TMTC3: variants seen among roughly 807,000 people sequenced by gnomAD.
TMTC3 encodes the protein transmembrane O-mannosyltransferase targeting cadherins 3, also known as protein O-mannosyl-transferase TMTC3.
A neutral mutation model predicts 92.2 loss-of-function variants in TMTC3; 52 were observed. The ratio of observed to expected loss-of-function variants is 0.56; its 90% confidence interval spans 0.45 to 0.71. TMTC3 has a LOEUF of 0.71. Among genes scored for constraint, TMTC3 ranks in the 30% least tolerant of loss-of-function variants. The pLI is 0.00. For synonymous variants in TMTC3, 339 were observed against 363.3 expected (o/e 0.93, Z 0.76); for missense variants, 896 against 1,057.1 (o/e 0.85, Z 2.11).
At chr12:88,166,269 T>C in intron 6 of TMTC3, 61 bp from the exon 7 acceptor site, 1 of 1,465,792 alleles carries the variant, frequency 6.8e-7, no homozygotes, top group Non-Finnish European at 9.2e-7. Context: ...GTTTTACTTA[T>C]GTAAATAATT....
In TMTC3 at chr12:88,195,217, G is replaced by T. The variant is rs751635152; in HGVS notation, c.2313G>T (p.Val771=). The T allele has an allele frequency of 6.2e-7, 1 of 1,613,822 alleles. No homozygotes were observed. The highest frequency in any genetic ancestry group is 1.1e-5 in the South Asian group (1 of 91,078). Residue 771 remains valine (V), a synonymous_variant, in exon 14 of 14, where the codon GTG becomes GTT. Transcript: ENST00000266712. ...ERILEMDPSN[V]QGKHNLCVVY... is the part of the protein sequence containing the mutation. ...TTTTGGAGATGGATCCAAGCAATGTGCAAGGAAAACACAATCTTTGTGTTG... is the reference window on the plus strand; with the variant it reads ...TTTTGGAGATGGATCCAAGCAATGTTCAAGGAAAACACAATCTTTGTGTTG...
chr12:88,161,666 T>C (rs2041081247), intron 6 of TMTC3, among the ~76,000 whole-genome samples: 1 of 151,986 alleles, frequency 6.6e-6, no homozygotes, highest in East Asian at 1.9e-4. Flanking sequence ...GGATTCTTTT[T>C]TTAATATTTC....
At position 88,198,386 on chromosome 12, in the gene TMTC3, C is replaced by G. The variant is rs182780400; in HGVS notation, c.*2737C>G. 1.2e-4 allele frequency: 49 copies of G among 398,110 alleles called. No individual in the cohort carries two copies. The East Asian group carries it at 1.4e-3, about 11-fold the overall frequency. The allele number at this position is 398,110 out of a possible 1,614,324, so 24.7% of individuals were successfully genotyped here. ...AATTCTCACTGTCTCAAAAGAGAATCAGCTCTCCAGCAGTTCTAGAAAAGC... is the reference window on the plus strand; with the variant it reads ...AATTCTCACTGTCTCAAAAGAGAATGAGCTCTCCAGCAGTTCTAGAAAAGC... On this transcript the variant is annotated 3_prime_UTR_variant, in exon 14 of 14. Transcript: ENST00000266712.
At chr12:88,154,164 G>A in intron 3 of TMTC3, 124 bp from the exon 4 acceptor site, 1 of 665,752 alleles carries the variant, frequency 1.5e-6, no homozygotes, top group Non-Finnish European at 2.5e-6. Context: ...GGCACCCAAA[G>A]AATGTTTAAG....
rs1446103432 is a variant in TMTC3, at chr12:88,160,805, G to T, written c.751G>T (p.Val251Leu). 2 of 1,613,080 alleles carry T rather than the reference G, an allele frequency of 1.2e-6. No individual in the cohort carries two copies. The highest frequency in any genetic ancestry group is 1.7e-6 in the Non-Finnish European group (2 of 1,179,554). Reference protein sequence around the residue: ...VLMFSTLLLVVIRVQVIQSQL... With the variant: ...VLMFSTLLLVLIRVQVIQSQL... ...GATGTTCAGTACATTATTACTTGTT[G>T]TGATTAGAGTCCAGGTTATTCAATC... is the stretch of plus-strand genomic sequence containing the variant. The change falls in exon 6 of 14, where the codon GTG becomes TTG. Residue 251 changes from valine to leucine, a missense_variant. By Grantham distance (32) the Val-to-Leu change is conservative. Coordinates refer to ENST00000266712, the MANE Select transcript of TMTC3 (RefSeq NM_181783.4).
chr12:88,165,020 T>G (rs773594053), intron 6 of TMTC3, among the ~76,000 whole-genome samples: 8 of 152,162 alleles, frequency 5.3e-5, no homozygotes, highest in Non-Finnish European at 1.0e-4. Flanking sequence ...TCATTGGTTT[T>G]CTGTTATTCC....
chr12:88,194,073 T>A (rs1168345577), intron 13 of TMTC3, among the ~76,000 whole-genome samples: 1 of 151,976 alleles, frequency 6.6e-6, no homozygotes, highest in Non-Finnish European at 1.5e-5. Flanking sequence ...AATTTTAAAA[T>A]CAGCAAGAAA....
At chr12:88,186,560 T>C (rs2041380037) in intron 10 of TMTC3, among the ~76,000 whole-genome samples, 1 of 152,212 alleles carries the variant, frequency 6.6e-6, no homozygotes, top group Non-Finnish European at 1.5e-5. Flanking sequence ...TAACTCATGC[T>C]GCTGTTGTTT....
At chr12:88,192,014 CTTTTTTTTTTTTTCT>C (rs2138442899) in intron 12 of TMTC3, among the ~76,000 whole-genome samples, 2 of 112,252 alleles carry the variant, frequency 1.8e-5, no homozygotes, top group South Asian at 5.4e-4. Context: ...CAGCATTTTT[CTTTTTTTTTTTTTCT>C]TTTTTTTTTT....
intron 10 of TMTC3, among the ~76,000 whole-genome samples, chr12:88,182,768 A>G (rs1488518746): frequency 6.6e-6 from 1 of 152,196 alleles, no homozygotes; most frequent in South Asian, 2.1e-4. Context: ...TGATACTGAC[A>G]CATGGTAGGA....
chr12:88,174,822 T>A, intron 9 of TMTC3, 95 bp downstream of exon 9: 4 of 1,431,100 alleles, frequency 2.8e-6, no homozygotes, highest in African/African-American at 1.4e-5. Flanking sequence ...ATTAGACATT[T>A]AACAGTCAAT....
At chr12:88,153,619 A>C (rs2040971084) in intron 3 of TMTC3, 110 bp downstream of exon 3, 1 of 573,630 alleles carries the variant, frequency 1.7e-6, no homozygotes, top group African/African-American at 1.9e-5. Flanking sequence ...CCCTGACTTT[A>C]ATCCAAATAT....
chr12:88,173,620 G>T (rs969504216), intron 8 of TMTC3, among the ~76,000 whole-genome samples: 1 of 151,898 alleles, frequency 6.6e-6, no homozygotes. Context: ...TTTTCACACC[G>T]CATGTGTTCC....
At chr12:88,189,094 ATT>A (rs201059192) in intron 11 of TMTC3, 148 bp downstream of exon 11, 9,390 of 415,304 alleles carry the variant, frequency 0.023, no homozygotes, top group South Asian at 0.035. Flanking sequence ...AGCTTACTTA[ATT>A]TTTTTTTTTT....
chr12:88,182,452 C>T (rs1181943508), intron 10 of TMTC3, among the ~76,000 whole-genome samples: 1 of 152,152 alleles, frequency 6.6e-6, no homozygotes, highest in East Asian at 1.9e-4. Flanking sequence ...GGGGCAAAGC[C>T]AATTAATATC....
intron 8 of TMTC3, chr12:88,173,013 G>A (rs2041222455): frequency 7.3e-7 from 1 of 1,368,522 alleles, no homozygotes; most frequent in Non-Finnish European, 9.6e-7. Context: ...AAACAAGGAT[G>A]TTACTGAGAA....
intron 2 of TMTC3, among the ~76,000 whole-genome samples, chr12:88,150,828 A>G (rs1454879245): frequency 6.6e-6 from 1 of 152,130 alleles, no homozygotes; most frequent in Non-Finnish European, 1.5e-5. Context: ...TTTTGTACCA[A>G]TGCAGGTCTT....
chr12:88,189,613 A>G (rs1006126168), intron 11 of TMTC3, among the ~76,000 whole-genome samples: 1 of 152,154 alleles, frequency 6.6e-6, no homozygotes, highest in Non-Finnish European at 1.5e-5. Flanking sequence ...TATTGTGTCC[A>G]TCAGTTGTTA....
chr12:88,189,384 G>A (rs754369541), intron 11 of TMTC3, among the ~76,000 whole-genome samples: 9 of 152,126 alleles, frequency 5.9e-5, no homozygotes, highest in African/African-American at 1.7e-4. Context: ...GAGCCACTGC[G>A]CCCGGCCGTA....
Sources: gnomAD v4.1 joint callset for allele counts (sites outside exome capture counted in the v4.1 genomes callset) on GRCh38, gnomAD v4.1.1 for gene constraint, MANE v1.5 for transcripts, NCBI Gene and HGNC (gene_info 2026-07-23, HGNC 2026-07-21) for gene names.